CCDC30: variants seen among roughly 807,000 people sequenced by gnomAD.
The protein encoded by CCDC30 is coiled-coil domain containing 30.
A neutral mutation model predicts 100.2 loss-of-function variants in CCDC30; 70 were observed. The ratio of observed to expected loss-of-function variants is 0.70; its 90% CI spans 0.58 to 0.85. The LOEUF is 0.85. CCDC30 is among the 40% of genes least tolerant of loss of function. CCDC30 has a pLI of 0.00. For missense variants in CCDC30, 652 were observed against 771.2 expected (o/e 0.85, Z 1.83); for synonymous variants, 233 against 269.5 (o/e 0.86, Z 1.33).
At chr1:42,644,170 T>A (rs755807216) in intron 13 of CCDC30, among the ~76,000 whole-genome samples, 4 of 152,108 alleles carry the variant, frequency 2.6e-5, no homozygotes, top group African/African-American at 9.7e-5. Context: ...GTTTATTAAG[T>A]ATTAACTTAC....
At chr1:42,577,886 C>T (rs755789518) in intron 8 of CCDC30, among the ~76,000 whole-genome samples, 13 of 152,032 alleles carry the variant, frequency 8.6e-5, no homozygotes, top group Non-Finnish European at 1.2e-4. Flanking sequence ...GTGATCCACC[C>T]GCCTCGGCCT....
intron 10 of CCDC30, among the ~76,000 whole-genome samples, chr1:42,599,614 CCA>C (rs1474598516): frequency 6.6e-6 from 1 of 152,088 alleles, no homozygotes; most frequent in Non-Finnish European, 1.5e-5. Context: ...AAAAGAATGT[CCA>C]AATTGGTCAA....
intron 6 of CCDC30, among the ~76,000 whole-genome samples, chr1:42,541,427 T>C (rs1645009838): frequency 6.6e-6 from 1 of 152,210 alleles, no homozygotes; most frequent in South Asian, 2.1e-4. Flanking sequence ...AACAAGACCA[T>C]TGATTTTGAA....
chr1:42,534,223 G>C (rs192994531), intron 6 of CCDC30, among the ~76,000 whole-genome samples: 18 of 139,402 alleles, frequency 1.3e-4, no homozygotes, highest in South Asian at 1.0e-3. Context: ...AGAAAATGAG[G>C]GGGGGGGTTC....
chr1:42,616,879 A>G (rs1217513178), intron 11 of CCDC30, among the ~76,000 whole-genome samples: 8 of 152,196 alleles, frequency 5.3e-5, no homozygotes, highest in Non-Finnish European at 1.2e-4. Context: ...ATATCAAATA[A>G]TAGGAGACTA....
upstream of CCDC30, chr1:42,459,722 G>A: frequency 6.2e-7 from 1 of 1,614,148 alleles, no homozygotes; most frequent in Non-Finnish European, 8.5e-7. Context: ...ATCGAGCTCG[G>A]AAGGCTTTGG....
At chr1:42,650,001 C>T (rs528412783) in intron 15 of CCDC30, among the ~76,000 whole-genome samples, 99 of 152,186 alleles carry the variant, frequency 6.5e-4, no homozygotes, top group African/African-American at 2.0e-3. Context: ...ATTAATATTG[C>T]TAAAATGCCC....
At chr1:42,503,004 TC>T (rs1644344053) in intron 6 of CCDC30, among the ~76,000 whole-genome samples, 1 of 152,160 alleles carries the variant, frequency 6.6e-6, no homozygotes, top group Non-Finnish European at 1.5e-5. Flanking sequence ...CACCTCAGCC[TC>T]CTGAGTAGCT....
chr1:42,642,158 G>A (rs1183926201), intron 12 of CCDC30, among the ~76,000 whole-genome samples: 12 of 151,726 alleles, frequency 7.9e-5, no homozygotes, highest in Non-Finnish European at 1.5e-5. Flanking sequence ...CCTGGGAGGT[G>A]GAGCTTGCAG....
intron 3 of CCDC30, among the ~76,000 whole-genome samples, chr1:42,488,420 C>T (rs1644085966): frequency 6.6e-6 from 1 of 152,016 alleles, no homozygotes; most frequent in South Asian, 2.1e-4. Context: ...TTCAAGTGAC[C>T]CTCCTGCCTC....
At chr1:42,613,012 A>G (rs141354260) in intron 11 of CCDC30, among the ~76,000 whole-genome samples, 306 of 152,318 alleles carry the variant, frequency 2.0e-3, no homozygotes, top group African/African-American at 6.3e-3. Flanking sequence ...AAAGTATCCT[A>G]CTATTACCAG....
At chr1:42,523,357 A>G (rs1644676810) in intron 6 of CCDC30, among the ~76,000 whole-genome samples, 1 of 152,166 alleles carries the variant, frequency 6.6e-6, no homozygotes, top group Admixed American at 6.5e-5. Flanking sequence ...GTTTTGCCAG[A>G]TATAGGATTC....
chr1:42,550,303 G>C (rs1372145324), intron 6 of CCDC30, among the ~76,000 whole-genome samples: 1 of 152,096 alleles, frequency 6.6e-6, no homozygotes, highest in Non-Finnish European at 1.5e-5. Context: ...TGTCCTCCCT[G>C]CTTCCATACC....
intron 6 of CCDC30, among the ~76,000 whole-genome samples, chr1:42,520,857 C>T (rs1332487067): frequency 3.2e-4 from 49 of 151,262 alleles, no homozygotes; most frequent in African/African-American, 1.1e-3. Flanking sequence ...CTGTATTAGC[C>T]AGGATGGTCT....
intron 6 of CCDC30, among the ~76,000 whole-genome samples, chr1:42,531,183 A>C (rs1417812375): frequency 6.6e-6 from 1 of 151,768 alleles, no homozygotes. Flanking sequence ...AGTGTGTAGC[A>C]CCTCACCCTC....
intron 6 of CCDC30, among the ~76,000 whole-genome samples, chr1:42,529,425 T>C (rs1187317786): frequency 1.3e-5 from 2 of 152,134 alleles, no homozygotes; most frequent in Non-Finnish European, 2.9e-5. Context: ...TGAGCTGAGA[T>C]CATGCCACTG....
intron 4 of CCDC30, among the ~76,000 whole-genome samples, chr1:42,495,321 A>T (rs1487893609): frequency 6.6e-6 from 1 of 151,940 alleles, no homozygotes; most frequent in Non-Finnish European, 1.5e-5. Context: ...ACACATGGAC[A>T]CAGGAAGGGG....
intron 6 of CCDC30, among the ~76,000 whole-genome samples, chr1:42,499,307 G>A (rs1412904760): frequency 6.6e-6 from 1 of 152,090 alleles, no homozygotes; most frequent in African/African-American, 2.4e-5. Flanking sequence ...TGATACAAGT[G>A]CCAGGGTATA....
At chr1:42,617,267 C>T (rs1440628656) in intron 11 of CCDC30, among the ~76,000 whole-genome samples, 3 of 151,882 alleles carry the variant, frequency 2.0e-5, no homozygotes, top group Non-Finnish European at 4.4e-5. Flanking sequence ...AGTGAGATCT[C>T]GTCTCTACCA....
Sources: allele counts gnomAD v4.1 joint callset (sites outside exome capture counted in the v4.1 genomes callset), GRCh38; gene constraint gnomAD v4.1.1; transcripts MANE v1.5; gene names NCBI Gene and HGNC (gene_info 2026-07-23, HGNC 2026-07-21).